The following HECW2 variants were observed in gnomAD, a reference collection of about 807,000 sequenced individuals.
The protein encoded by HECW2 is E3 ubiquitin-protein ligase HECW2.
A neutral mutation model predicts 175.2 loss-of-function variants in HECW2; 61 were observed. That is an observed-to-expected ratio of 0.35 (90% CI 0.28 to 0.43). HECW2 has a LOEUF of 0.43. Among genes scored for constraint, HECW2 ranks in the 20% least tolerant of loss-of-function variants. The probability of loss-of-function intolerance (pLI) is 1.00; values close to 1 mark genes in which losing one functional copy is unlikely to be tolerated. For missense variants in HECW2, 1,524 were observed against 2,000.5 expected (o/e 0.76, Z 4.54); for synonymous variants, 671 against 731.0 (o/e 0.92, Z 1.32).
intron 2 of HECW2, among the ~76,000 whole-genome samples, chr2:196,430,123 A>AT (rs1351558538): frequency 6.6e-6 from 1 of 152,164 alleles, no homozygotes; most frequent in African/African-American, 2.4e-5. Context: ...CCATACACTG[A>AT]TTTTACCACA....
intron 7 of HECW2, among the ~76,000 whole-genome samples, chr2:196,321,986 T>C (rs1485830947): frequency 2.0e-5 from 3 of 152,216 alleles, no homozygotes; most frequent in African/African-American, 7.2e-5. Flanking sequence ...AGAATGTCAA[T>C]GAATAAATTT....
At chr2:196,406,547 A>C (rs10201366) in intron 2 of HECW2, among the ~76,000 whole-genome samples, 139,750 of 152,282 alleles carry the variant, frequency 0.92, 64,624 homozygotes, top group East Asian at 1. Flanking sequence ...AAACCTTATT[A>C]ATCTCCTGCT....
intron 1 of HECW2, among the ~76,000 whole-genome samples, chr2:196,520,029 A>G (rs1229179992): frequency 6.6e-6 from 1 of 152,240 alleles, no homozygotes; most frequent in South Asian, 2.1e-4. Flanking sequence ...CATGAACATG[A>G]TACAAAACTC....
At chr2:196,356,186 G>A (rs571896342) in intron 2 of HECW2, among the ~76,000 whole-genome samples, 11 of 152,150 alleles carry the variant, frequency 7.2e-5, no homozygotes, top group Non-Finnish European at 1.3e-4. Flanking sequence ...CTGTTCTAGT[G>A]TTTTACTTTG....
intron 1 of HECW2, among the ~76,000 whole-genome samples, chr2:196,443,746 C>A (rs1325797014): frequency 1.3e-5 from 2 of 152,174 alleles, no homozygotes; most frequent in Non-Finnish European, 2.9e-5. Flanking sequence ...TTAACAAATA[C>A]TAACCAGGCA....
chr2:196,319,380 A>G lies in HECW2; in HGVS notation c.1510T>C (p.Ser504Pro). ...GGGTTGTCCTCCAGCTTTGTCTGAG[A>G]TGTCAGGCTTCCATCATCAGCTCTG... is the stretch of plus-strand genomic sequence containing the variant. ...ASRADDGSLT[S>P]QTKLEDNPVE... The change falls in exon 9 of 29, where the codon TCT becomes CCT. Residue 504 changes from serine to proline, a missense_variant. Physicochemically the swap from Ser to Pro is moderately conservative, Grantham distance 74. Coordinates refer to ENST00000644978, the MANE Select transcript of HECW2 (RefSeq NM_001348768.2). 6.2e-7 allele frequency: 1 copy of G among 1,613,518 alleles called. No homozygotes were observed. Among genetic ancestry groups the G allele is most frequent in the Non-Finnish European group, 8.5e-7 (1 of 1,180,030 alleles).
chr2:196,225,968 A>G (rs567856936), intron 22 of HECW2, 98 bp from the exon 23 acceptor site: 2 of 719,174 alleles, frequency 2.8e-6, no homozygotes, highest in East Asian at 2.7e-5. Flanking sequence ...AACCATCTAA[A>G]TTTTTCCAAT....
intron 1 of HECW2, among the ~76,000 whole-genome samples, chr2:196,502,196 AAC>A (rs1439827671): frequency 6.6e-6 from 1 of 152,224 alleles, no homozygotes; most frequent in Non-Finnish European, 1.5e-5. Flanking sequence ...CAACAATTAC[AAC>A]AGTTTTCTAT....
chr2:196,310,759 G>C (rs1036349331), intron 10 of HECW2, among the ~76,000 whole-genome samples: 6 of 60,356 alleles, frequency 9.9e-5, no homozygotes, highest in Non-Finnish European at 2.6e-4. Context: ...GAAAACGAGA[G>C]CAACGATTTT....
intron 1 of HECW2, among the ~76,000 whole-genome samples, chr2:196,480,630 G>T (rs963190639): frequency 6.6e-6 from 1 of 152,232 alleles, no homozygotes; most frequent in African/African-American, 2.4e-5. Context: ...AGGATGGAGA[G>T]CTGGATCCAC....
rs370674595 is a variant in HECW2, at chr2:196,331,919, G to A, written c.496-2269C>T. 5.3e-5 allele frequency among the ~76,000 whole-genome samples: 8 copies of A among 152,212 alleles called. No homozygotes were observed. The East Asian group carries it at 1.4e-3, about 26-fold the overall frequency. On this transcript the variant is annotated intron_variant, in intron 4 of 28. Coordinates refer to ENST00000644978, the MANE Select transcript of HECW2 (RefSeq NM_001348768.2). ...AACTCACTCCATAGATTCATTCCAGGAAAACCCAGAAATAAGAACGTCAAC... is the reference window on the plus strand; with the variant it reads ...AACTCACTCCATAGATTCATTCCAGAAAAACCCAGAAATAAGAACGTCAAC...
chr2:196,518,067 T>C (rs757027045), intron 1 of HECW2, among the ~76,000 whole-genome samples: 1 of 152,182 alleles, frequency 6.6e-6, no homozygotes, highest in Non-Finnish European at 1.5e-5. Flanking sequence ...AGAAAGCTTT[T>C]AACACACCTG....
chr2:196,440,203 A>G (rs929615245), intron 1 of HECW2, among the ~76,000 whole-genome samples: 7 of 152,220 alleles, frequency 4.6e-5, no homozygotes, highest in African/African-American at 1.2e-4. Flanking sequence ...TCTCTGCTCA[A>G]TAACAGCCTT....
At chr2:196,471,318 G>C (rs544411463) in intron 1 of HECW2, among the ~76,000 whole-genome samples, 1 of 152,258 alleles carries the variant, frequency 6.6e-6, no homozygotes, top group African/African-American at 2.4e-5. Flanking sequence ...AAAATTAACC[G>C]ATGCTGGCAA....
intron 3 of HECW2, among the ~76,000 whole-genome samples, chr2:196,338,201 C>T (rs13386774): frequency 0.22 from 33,636 of 151,830 alleles, 4,369 homozygotes; most frequent in African/African-American, 0.36. Context: ...AACCTGTTCT[C>T]GAGTAAAGGG....
At chr2:196,212,838 T>A (rs1339595484) in intron 28 of HECW2, among the ~76,000 whole-genome samples, 4 of 152,220 alleles carry the variant, frequency 2.6e-5, no homozygotes, top group Non-Finnish European at 5.9e-5. Context: ...CCCTTTTCTC[T>A]GCAACCTTAC....
intron 7 of HECW2, among the ~76,000 whole-genome samples, chr2:196,321,017 G>T (rs1336879938): frequency 2.0e-5 from 3 of 152,260 alleles, no homozygotes; most frequent in Non-Finnish European, 4.4e-5. Context: ...CAAGACAGCA[G>T]CCCTGGCTGT....
At chr2:196,444,246 A>G (rs1411574888) in intron 1 of HECW2, among the ~76,000 whole-genome samples, 7 of 151,646 alleles carry the variant, frequency 4.6e-5, no homozygotes, top group Non-Finnish European at 1.5e-5. Context: ...AATATTTAAG[A>G]ATTCCACATT....
chr2:196,257,859 C>T lies in HECW2; in HGVS notation c.3383G>A (p.Arg1128His), dbSNP rs765861065. The T allele has an allele frequency of 5.0e-6, 8 of 1,614,046 alleles. No homozygotes were observed. The highest frequency in any genetic ancestry group is 6.8e-6 in the Non-Finnish European group (8 of 1,179,926). The change falls in exon 18 of 29, where the codon CGC becomes CAC. Residue 1128 changes from arginine (R) to histidine (H), a missense_variant. Coordinates refer to ENST00000644978, the MANE Select transcript of HECW2 (RefSeq NM_001348768.2). Reference protein sequence around the residue: ...IRTEGTPGLVRLSSDADLVML... With the variant: ...IRTEGTPGLVHLSSDADLVML... Reference sequence around the variant, plus strand: ...AACAAGGTCTGCATCGCTTGAAAGGCGCACCAATCCTGGAGTCCCTTCAGT... The same window carrying T: ...AACAAGGTCTGCATCGCTTGAAAGGTGCACCAATCCTGGAGTCCCTTCAGT...
Sources: allele counts gnomAD v4.1 joint callset (sites outside exome capture counted in the v4.1 genomes callset), GRCh38; gene constraint gnomAD v4.1.1; transcripts MANE v1.5; gene names NCBI Gene and HGNC (gene_info 2026-07-23, HGNC 2026-07-21).